The following HEATR4 variants were observed in gnomAD, a reference collection of about 807,000 sequenced individuals.
HEATR4 encodes the protein HEAT repeat-containing protein 4.
A neutral mutation model predicts 108.8 loss-of-function variants in HEATR4; 95 were observed. The observed-to-expected ratio is 0.87, with a 90% CI of 0.74 to 1.04. HEATR4 has a LOEUF of 1.04. Ranked by LOEUF, HEATR4 falls within the 50% of genes least tolerant of loss-of-function variation. HEATR4 has a pLI of 0.00. For synonymous variants in HEATR4, 443 were observed against 459.4 expected (o/e 0.96, Z 0.46); for missense variants, 1,152 against 1,253.8 (o/e 0.92, Z 1.23).
the HEATR4 span, chr14:73,619,405 G>A: frequency 6.2e-7 from 1 of 1,614,130 alleles, no homozygotes; most frequent in East Asian, 2.2e-5. Flanking sequence ...ACTTGTCGAT[G>A]ATCTAGGAAA....
rs1271325150 is a variant in HEATR4, at chr14:73,532,303, T to C, written c.-151-2059A>G. Reference sequence around the variant, plus strand: ...CCCTGATCTCCAAATCCTGGCTAGATTATTAGCCATTAACACTAGCTTTTA... The same window carrying C: ...CCCTGATCTCCAAATCCTGGCTAGACTATTAGCCATTAACACTAGCTTTTA... On this transcript the variant is annotated intron_variant, in intron 1 of 17. Coordinates refer to ENST00000553558, the MANE Select transcript of HEATR4 (RefSeq NM_001220484.1). Among the ~76,000 whole-genome samples, 30 of 115,876 alleles carry C rather than the reference T, an allele frequency of 2.6e-4. 12 individuals carry two copies. Among genetic ancestry groups the C allele is most frequent in the Non-Finnish European group, 4.3e-4 (23 of 53,034 alleles). The allele number at this position is 115,876 out of a possible 152,430, so 76.0% of individuals were successfully genotyped here.
the HEATR4 span, chr14:73,591,858 G>A: frequency 8.4e-7 from 1 of 1,185,742 alleles, no homozygotes; most frequent in Non-Finnish European, 1.1e-6. Context: ...GCAGCTTCCG[G>A]CACCAGGGGA....
the HEATR4 span, among the ~76,000 whole-genome samples, chr14:73,604,834 G>A: frequency 2.6e-5 from 4 of 152,292 alleles, no homozygotes; most frequent in African/African-American, 7.2e-5. Flanking sequence ...AGCCCTTCAA[G>A]AAACAGGGGC....
At chr14:73,591,973 T>C in the HEATR4 span, 1 of 1,396,526 alleles carries the variant, frequency 7.2e-7, no homozygotes, top group Non-Finnish European at 9.3e-7. Flanking sequence ...TCAGCAACGC[T>C]GATCCTGGAG....
chr14:73,491,832 G>T, intron 17 of HEATR4: 2 of 1,607,764 alleles, frequency 1.2e-6, no homozygotes, highest in Non-Finnish European at 1.7e-6. Flanking sequence ...AACGGACGAC[G>T]CGAGACCCTG....
intron 2 of HEATR4, 46 bp from the exon 3 acceptor site, chr14:73,523,270 A>G (rs1267708119): frequency 9.8e-7 from 1 of 1,015,558 alleles, no homozygotes; most frequent in African/African-American, 1.6e-5. Context: ...AGAGCAGCAG[A>G]AATTGGTAGC....
chr14:73,509,844 A>ATT (rs1566832226), intron 7 of HEATR4, among the ~76,000 whole-genome samples: 17 of 70,730 alleles, frequency 2.4e-4, no homozygotes, highest in African/African-American at 8.0e-4. Flanking sequence ...ATATATATAT[A>ATT]TATATATATA....
the HEATR4 span, chr14:73,567,478 C>T: frequency 1.3e-5 from 2 of 151,872 alleles, 1 homozygote; most frequent in South Asian, 4.2e-4. Context: ...TGGGTAAAAA[C>T]GAACCAATCA....
chr14:73,569,026 T>G, the HEATR4 span: 1 of 616,098 alleles, frequency 1.6e-6, no homozygotes, highest in African/African-American at 1.8e-5. Flanking sequence ...CCAGCCCTGG[T>G]CCAGCCCATT....
the HEATR4 span, among the ~76,000 whole-genome samples, chr14:73,603,181 A>G: frequency 6.6e-6 from 1 of 152,194 alleles, no homozygotes; most frequent in Non-Finnish European, 1.5e-5. Flanking sequence ...GGTTAATTCC[A>G]TATGTCCCCA....
In HEATR4 at chr14:73,522,430, G is replaced by A. The variant is rs75069466; in HGVS notation, c.723C>T (p.Tyr241=). 9,149 of 1,614,186 alleles carry A rather than the reference G, an allele frequency of 5.7e-3. 494 individuals are homozygous for A. The African/African-American group carries it at 0.11, about 19-fold the overall frequency. ...NKWQSFLRQQ[Y]DWSHIRDELT... ...GCTCATCCCGAATGTGACTCCAGTC[G>A]TACTGCTGGCGCAGGAAGCTCTGCC... Residue 241 remains tyrosine, a synonymous_variant, in exon 3 of 18, where the codon TAC becomes TAT. Coordinates refer to ENST00000553558, the MANE Select transcript of HEATR4 (RefSeq NM_001220484.1).
the HEATR4 span, among the ~76,000 whole-genome samples, chr14:73,585,087 C>T: frequency 6.6e-6 from 1 of 151,972 alleles, no homozygotes; most frequent in African/African-American, 2.4e-5. Context: ...GTGTGGGCAG[C>T]TCCCCCACCA....
chr14:73,615,167 C>G, the HEATR4 span, among the ~76,000 whole-genome samples: 32 of 151,008 alleles, frequency 2.1e-4, no homozygotes, highest in African/African-American at 7.8e-4. Context: ...GTGGGTGGAT[C>G]ACGAGGTCAG....
intron 10 of HEATR4, among the ~76,000 whole-genome samples, chr14:73,505,199 G>C (rs542139098): frequency 3.4e-4 from 52 of 152,274 alleles, no homozygotes; most frequent in African/African-American, 1.2e-3. Flanking sequence ...TTACAGGCAT[G>C]AGCCACCGTA....
the HEATR4 span, chr14:73,619,918 T>C: frequency 4.8e-6 from 6 of 1,261,034 alleles, no homozygotes; most frequent in Non-Finnish European, 6.4e-6. Context: ...CTTTCTTTTC[T>C]CTTTTTTTTT....
At chr14:73,617,209 A>G in the HEATR4 span, 1 of 1,614,170 alleles carries the variant, frequency 6.2e-7, no homozygotes, top group Admixed American at 1.7e-5. Context: ...TCTGGTGATC[A>G]CCTGAGTGCA....
the HEATR4 span, among the ~76,000 whole-genome samples, chr14:73,590,616 C>T: frequency 6.6e-6 from 1 of 152,198 alleles, no homozygotes; most frequent in Non-Finnish European, 1.5e-5. Flanking sequence ...GGTCCCGAGC[C>T]CTGCGCCGCG....
chr14:73,479,685 C>T (rs1363933711), intron 17 of HEATR4, among the ~76,000 whole-genome samples: 2 of 152,118 alleles, frequency 1.3e-5, no homozygotes, highest in South Asian at 2.1e-4. Flanking sequence ...CGGCCTCGGC[C>T]TCCCAAAGTG....
At chr14:73,524,314 T>A (rs867014234) in intron 2 of HEATR4, among the ~76,000 whole-genome samples, 1,494 of 88,932 alleles carry the variant, frequency 0.017, 48 homozygotes, top group African/African-American at 0.06. Context: ...AAAAAAAATA[T>A]ATATATATAT....
Sources: gnomAD v4.1 joint callset for allele counts (sites outside exome capture counted in the v4.1 genomes callset) on GRCh38, gnomAD v4.1.1 for gene constraint, MANE v1.5 for transcripts, NCBI Gene and HGNC (gene_info 2026-07-23, HGNC 2026-07-21) for gene names.